The following LDB2 variants were observed in gnomAD, a reference collection of about 807,000 sequenced individuals.
The protein encoded by LDB2 is LIM domain binding 2.
In LDB2, 12 loss-of-function variants were observed where a neutral mutation model predicts 44.3. That is an observed-to-expected ratio of 0.27 (90% CI 0.17 to 0.44). LDB2 has a LOEUF of 0.44. Ranked by LOEUF, LDB2 falls within the 20% of genes least tolerant of loss-of-function variation. The pLI is 1.00. For synonymous variants in LDB2, 164 were observed against 174.8 expected, an observed-to-expected ratio of 0.94 and a Z score of 0.49; for missense variants, 344 against 473.5, an observed-to-expected ratio of 0.73 and a Z score of 2.54.
intron 5 of LDB2, among the ~76,000 whole-genome samples, chr4:16,523,864 C>T (rs552819622): frequency 1.8e-4 from 27 of 152,178 alleles, no homozygotes; most frequent in Non-Finnish European, 3.4e-4. Context: ...CATAGGTAAC[C>T]GAAACTGCAG....
intron 2 of LDB2, among the ~76,000 whole-genome samples, chr4:16,704,751 G>C (rs1052929441): frequency 1.3e-5 from 2 of 152,292 alleles, no homozygotes; most frequent in East Asian, 3.9e-4. Flanking sequence ...TCTATGGTGA[G>C]GACAAGGACA....
chr4:16,856,299 G>A (rs1383020260), intron 1 of LDB2, among the ~76,000 whole-genome samples: 1 of 152,100 alleles, frequency 6.6e-6, no homozygotes, highest in Non-Finnish European at 1.5e-5. Flanking sequence ...GTTAAATTTA[G>A]ATAACATTTT....
At chr4:16,635,492 C>T (rs986937161) in intron 2 of LDB2, among the ~76,000 whole-genome samples, 9 of 152,048 alleles carry the variant, frequency 5.9e-5, no homozygotes, top group African/African-American at 1.7e-4. Context: ...TGACTTTGGG[C>T]GTTTGCTTTA....
intron 2 of LDB2, 57 bp downstream of exon 2, chr4:16,759,101 C>A (rs183010205): frequency 5.3e-6 from 6 of 1,129,256 alleles, no homozygotes; most frequent in African/African-American, 4.6e-5. Flanking sequence ...AAGACCCCTG[C>A]GGTTTTCTTA....
At chr4:16,665,858 A>G (rs1743008388) in intron 2 of LDB2, among the ~76,000 whole-genome samples, 1 of 152,190 alleles carries the variant, frequency 6.6e-6, no homozygotes, top group African/African-American at 2.4e-5. Flanking sequence ...TTATAGGTGA[A>G]GAGAAGGGAA....
chr4:16,850,593 G>A (rs576256566), intron 1 of LDB2, among the ~76,000 whole-genome samples: 3 of 152,194 alleles, frequency 2.0e-5, no homozygotes, highest in South Asian at 2.1e-4. Flanking sequence ...GTAACCATAC[G>A]GTGATCCAAA....
chr4:16,822,579 C>A (rs1254758674), intron 1 of LDB2, among the ~76,000 whole-genome samples: 1 of 152,104 alleles, frequency 6.6e-6, no homozygotes, highest in Non-Finnish European at 1.5e-5. Context: ...GCTACAGTGG[C>A]ACGATCTCGG....
intron 5 of LDB2, among the ~76,000 whole-genome samples, chr4:16,558,223 G>A (rs1050340262): frequency 2.0e-5 from 3 of 152,190 alleles, no homozygotes; most frequent in African/African-American, 7.2e-5. Flanking sequence ...TGACTTTGAC[G>A]AGCTGAGAGA....
chr4:16,610,424 A>G (rs112119511), intron 2 of LDB2, among the ~76,000 whole-genome samples: 3 of 152,338 alleles, frequency 2.0e-5, no homozygotes, highest in Non-Finnish European at 2.9e-5. Flanking sequence ...GATGAACTAA[A>G]GGAGCATCTT....
intron 1 of LDB2, among the ~76,000 whole-genome samples, chr4:16,834,287 G>A (rs1784531628): frequency 6.6e-6 from 1 of 152,168 alleles, no homozygotes; most frequent in African/African-American, 2.4e-5. Context: ...TTAAGCATTT[G>A]GTCTGCAATA....
At chr4:16,658,445 T>A (rs901359486) in intron 2 of LDB2, among the ~76,000 whole-genome samples, 1 of 152,094 alleles carries the variant, frequency 6.6e-6, no homozygotes, top group African/African-American at 2.4e-5. Flanking sequence ...GTAACATAAG[T>A]AAGTGAAGTA....
chr4:16,745,845 G>A, intron 2 of LDB2, among the ~76,000 whole-genome samples: 1 of 149,502 alleles, frequency 6.7e-6, no homozygotes, highest in African/African-American at 2.5e-5. Flanking sequence ...TAAGACATTA[G>A]AATTTTTTTT....
At chr4:16,898,182 G>T (rs1475429242) in intron 1 of LDB2, among the ~76,000 whole-genome samples, 172 bp downstream of exon 1, 2 of 151,836 alleles carry the variant, frequency 1.3e-5, no homozygotes, top group Non-Finnish European at 2.9e-5. Context: ...AAGAGTTGCT[G>T]TGCCTGGAAA....
intron 1 of LDB2, among the ~76,000 whole-genome samples, chr4:16,879,074 C>T (rs1719280719): frequency 6.6e-6 from 1 of 152,154 alleles, no homozygotes; most frequent in South Asian, 2.1e-4. Context: ...CAAGAAATGC[C>T]AATGTCTGTT....
At chr4:16,610,753 T>C (rs897203766) in intron 2 of LDB2, among the ~76,000 whole-genome samples, 3 of 151,890 alleles carry the variant, frequency 2.0e-5, no homozygotes, top group Non-Finnish European at 4.4e-5. Context: ...AGTACCAGAA[T>C]GTGATGGGGA....
chr4:16,628,954 C>G (rs994065668), intron 2 of LDB2, among the ~76,000 whole-genome samples: 1 of 152,234 alleles, frequency 6.6e-6, no homozygotes, highest in Non-Finnish European at 1.5e-5. Context: ...GATCCCCCAC[C>G]CTGTGCCTGG....
chr4:16,557,449 G>A (rs940914093), intron 5 of LDB2, among the ~76,000 whole-genome samples: 3 of 152,296 alleles, frequency 2.0e-5, no homozygotes, highest in South Asian at 4.1e-4. Context: ...ACGGAATCTC[G>A]CTGATTGCTA....
chr4:16,550,130 T>A (rs1319061941), intron 5 of LDB2, among the ~76,000 whole-genome samples: 5 of 152,208 alleles, frequency 3.3e-5, no homozygotes, highest in African/African-American at 9.6e-5. Context: ...TAGGCCTCAT[T>A]CTCCTTATCT....
At chr4:16,767,464 T>C (rs78655690) in intron 1 of LDB2, among the ~76,000 whole-genome samples, 2,603 of 152,270 alleles carry the variant, frequency 0.017, 82 homozygotes, top group African/African-American at 0.059. Flanking sequence ...AACTCATGTG[T>C]AGATTGAGCT....
Sources: gnomAD v4.1 joint callset for allele counts (sites outside exome capture counted in the v4.1 genomes callset) on GRCh38, gnomAD v4.1.1 for gene constraint, MANE v1.5 for transcripts, NCBI Gene and HGNC (gene_info 2026-07-23, HGNC 2026-07-21) for gene names.